Variants in PRKDC observed in about 807,000 individuals in gnomAD.
The protein encoded by PRKDC is protein kinase, DNA-activated, catalytic subunit.
A neutral mutation model predicts 486.9 loss-of-function variants in PRKDC; 82 were observed. The ratio of observed to expected loss-of-function variants is 0.17; its 90% confidence interval spans 0.14 to 0.20. PRKDC has a LOEUF of 0.20. Ranked by LOEUF, PRKDC falls within the 10% of genes least tolerant of loss-of-function variation. The pLI, the probability that PRKDC is intolerant of heterozygous loss-of-function variation, is 1.00. For synonymous variants in PRKDC, 1,895 were observed against 1,837.0 expected (o/e 1.03, Z -0.81); for missense variants, 4,504 against 5,038.2 (o/e 0.89, Z 3.21).
chr8:47,891,961 G>A (rs1223709470), intron 31 of PRKDC, among the ~76,000 whole-genome samples: 2 of 151,800 alleles, frequency 1.3e-5, no homozygotes, highest in African/African-American at 2.4e-5. Context: ...CTCCGCCTCC[G>A]GGGTTCAAAC....
intron 3 of PRKDC, 68 bp from the exon 4 acceptor site, chr8:47,956,016 G>A: frequency 8.8e-7 from 1 of 1,134,374 alleles, no homozygotes; most frequent in Non-Finnish European, 1.3e-6. Context: ...AGCAATACCT[G>A]AAACTACTTC....
chr8:47,927,712 A>G (rs2090176726), intron 20 of PRKDC, 59 bp downstream of exon 20: 1 of 1,428,670 alleles, frequency 7.0e-7, no homozygotes, highest in Non-Finnish European at 9.2e-7. Flanking sequence ...TGGTGTTTCT[A>G]TGTGCTCTGG....
At chr8:47,836,311 A>C in intron 58 of PRKDC, 27 bp downstream of exon 58, 1 of 1,526,648 alleles carries the variant, frequency 6.6e-7, no homozygotes, top group Non-Finnish European at 8.8e-7. Flanking sequence ...TGCTGTATAC[A>C]TGGCCAGCGG....
At chr8:47,891,486 C>T (rs777673826) in intron 31 of PRKDC, among the ~76,000 whole-genome samples, 3 of 152,116 alleles carry the variant, frequency 2.0e-5, no homozygotes, top group East Asian at 1.9e-4. Context: ...TTTGGGAGGC[C>T]GAGGCAGGCG....
At chr8:47,787,369 C>T (rs912592811) in intron 76 of PRKDC, among the ~76,000 whole-genome samples, 3 of 152,160 alleles carry the variant, frequency 2.0e-5, no homozygotes, top group African/African-American at 7.2e-5. Flanking sequence ...ATGTAGAAAA[C>T]AATTTTCAAT....
chr8:47,929,743 T>C, intron 18 of PRKDC, 110 bp downstream of exon 18: 1 of 1,187,016 alleles, frequency 8.4e-7, no homozygotes, highest in Non-Finnish European at 1.1e-6. Context: ...TAGAATAAAA[T>C]TAGTAGACTT....
At chr8:47,957,075 T>C in intron 3 of PRKDC, 96 bp downstream of exon 3, 1 of 781,884 alleles carries the variant, frequency 1.3e-6, no homozygotes. Context: ...GAAAGGAAAA[T>C]GTTTTATCTT....
intron 64 of PRKDC, 31 bp downstream of exon 64, chr8:47,823,827 A>C: frequency 6.2e-7 from 1 of 1,609,978 alleles, no homozygotes; most frequent in Non-Finnish European, 8.5e-7. Context: ...TGTTGAAGTA[A>C]ATGTCATATT....
At chr8:47,784,075 GGTGAAGCCCC>G in intron 77 of PRKDC, 1 of 373,864 alleles carries the variant, frequency 2.7e-6, no homozygotes, top group Non-Finnish European at 5.0e-6. Flanking sequence ...TGGCTTACAT[GGTGAAGCCCC>G]GTCTCTACTA....
In PRKDC at chr8:47,940,888, C is replaced by T. The variant is rs541318004; in HGVS notation, c.967-1191G>A. Among the ~76,000 whole-genome samples, 3 of 152,266 alleles carry T rather than the reference C, an allele frequency of 2.0e-5. No homozygotes were observed. The East Asian group carries it at 5.8e-4, about 29-fold the overall frequency. On this transcript the variant is annotated intron_variant, in intron 10 of 85. Coordinates refer to ENST00000314191, the MANE Select transcript of PRKDC (RefSeq NM_006904.7). ...GCCGGGCGCAGTAGCTCACGCCTGT[C>T]ATCCCAGCCCTTTGGGAGGCCAAGA...
chr8:47,935,551 T>C (rs1361967368), intron 13 of PRKDC, among the ~76,000 whole-genome samples, 181 bp downstream of exon 13: 1 of 152,008 alleles, frequency 6.6e-6, no homozygotes, highest in Non-Finnish European at 1.5e-5. Context: ...TTAATAGAAC[T>C]ATTAAAATTC....
At position 47,871,620 on chromosome 8, in the gene PRKDC, T is replaced by C. The variant is rs374684812; in HGVS notation, c.5363+6104A>G. 6.8e-3 allele frequency among the ~76,000 whole-genome samples: 1,043 copies of C among 152,284 alleles called. 8 individuals carry two copies. Among genetic ancestry groups the C allele is most frequent in the South Asian group, 0.024 (118 of 4,824 alleles). On this transcript the variant is annotated intron_variant, in intron 40 of 85. Transcript: ENST00000314191. ...TGTTGTTGTTTTTGTTTTTTTAAGATGGAGTTTCGCTCTTCTTGCCCAGGC... is the reference window on the plus strand; with the variant it reads ...TGTTGTTGTTTTTGTTTTTTTAAGACGGAGTTTCGCTCTTCTTGCCCAGGC...
chr8:47,800,750 G>A (rs2087089289), intron 71 of PRKDC, 43 bp downstream of exon 71: 1 of 1,517,224 alleles, frequency 6.6e-7, no homozygotes, highest in East Asian at 2.3e-5. Flanking sequence ...GCACATTGAA[G>A]ACATACACAG....
At chr8:47,865,807 G>C (rs368422646) in intron 40 of PRKDC, among the ~76,000 whole-genome samples, 11 of 151,990 alleles carry the variant, frequency 7.2e-5, no homozygotes, top group Admixed American at 2.6e-4. Context: ...CCTGATCCCC[G>C]GTGTGATTGT....
intron 31 of PRKDC, 27 bp downstream of exon 31, chr8:47,893,112 C>G: frequency 6.4e-7 from 1 of 1,553,748 alleles, no homozygotes; most frequent in African/African-American, 1.4e-5. Flanking sequence ...GCACGACACA[C>G]ACCAGAATAA....
intron 54 of PRKDC, among the ~76,000 whole-genome samples, chr8:47,845,927 C>A (rs1276174017): frequency 1.3e-5 from 2 of 152,094 alleles, no homozygotes; most frequent in Non-Finnish European, 2.9e-5. Context: ...TGAAAAAATC[C>A]TCAACGAAAT....
intron 40 of PRKDC, 149 bp downstream of exon 40, chr8:47,877,575 A>T (rs1158609100): frequency 4.1e-6 from 3 of 726,344 alleles, no homozygotes; most frequent in Non-Finnish European, 5.8e-6. Flanking sequence ...TATAATAATA[A>T]AAGTTTTGTT....
chr8:47,825,860 TG>T (rs1367921122), intron 63 of PRKDC, among the ~76,000 whole-genome samples: 14 of 152,196 alleles, frequency 9.2e-5, no homozygotes, highest in Admixed American at 6.5e-5. Context: ...ACTTCAATTA[TG>T]ATTTATTTAT....
chr8:47,957,069 G>A (rs2090715668), intron 3 of PRKDC, 102 bp downstream of exon 3: 2 of 746,188 alleles, frequency 2.7e-6, no homozygotes, highest in Non-Finnish European at 2.0e-6. Context: ...CAATGAGAAA[G>A]GAAAATGTTT....
Sources: gnomAD v4.1 joint callset for allele counts (sites outside exome capture counted in the v4.1 genomes callset) on GRCh38, gnomAD v4.1.1 for gene constraint, MANE v1.5 for transcripts, NCBI Gene and HGNC (gene_info 2026-07-23, HGNC 2026-07-21) for gene names.